MYH11: variants seen among roughly 807,000 people sequenced by gnomAD.
The protein encoded by MYH11 is myosin heavy chain 11.
Under a neutral mutation model 246.6 loss-of-function variants are expected in MYH11, and 80 were observed. That is an observed-to-expected ratio of 0.32 (90% CI 0.27 to 0.39). The LOEUF (loss-of-function observed/expected upper bound fraction) is 0.39, where lower values mean the gene tolerates loss of function less well. MYH11 is among the 10% of genes least tolerant of loss of function. MYH11 has a pLI of 1.00. For synonymous variants in MYH11, 1,071 were observed against 1,015.5 expected, an observed-to-expected ratio of 1.05 and a Z score of -1.04; for missense variants, 2,158 against 2,546.8, an observed-to-expected ratio of 0.85 and a Z score of 3.29.
In MYH11 at chr16:15,737,491, T is replaced by C. The variant is rs1567714517; in HGVS notation, c.3251A>G (p.Gln1084Arg). ...CAGCTCCTCCTCCTTCTTGGCCAGC[T>C]GCATCTTGAGCTCTGCGATCTGCGC... Reference protein sequence around the residue: ...LQAQIAELKMQLAKKEEELQA... With the variant: ...LQAQIAELKMRLAKKEEELQA... Residue 1084 changes from glutamine to arginine, a missense_variant, in exon 25 of 41, where the codon CAG (glutamine) becomes CGG (arginine). Around this residue, in one of 11 missense-constraint regions of MYH11, gnomAD observed 284 missense variants for 315.4 expected, o/e 0.90. Coordinates refer to ENST00000300036, the MANE Select transcript of MYH11 (RefSeq NM_002474.3). 6.2e-7 allele frequency: 1 copy of C among 1,613,868 alleles called. No individual in the cohort carries two copies. Among genetic ancestry groups the C allele is most frequent in the East Asian group, 2.2e-5 (1 of 44,882 alleles).
intron 28 of MYH11, chr16:15,725,961 C>T (rs1234399143): frequency 4.0e-5 from 14 of 352,612 alleles, no homozygotes; most frequent in Non-Finnish European, 6.1e-5. Context: ...ACTATCTCCC[C>T]CTACCCCCAA....
At chr16:15,855,379 G>A (rs2044438162) in intron 1 of MYH11, among the ~76,000 whole-genome samples, 1 of 152,122 alleles carries the variant, frequency 6.6e-6, no homozygotes, top group Admixed American at 6.6e-5. Flanking sequence ...TACTTTGTTG[G>A]AAGCATTTAG....
At chr16:15,846,719 T>G (rs550936731) in intron 1 of MYH11, among the ~76,000 whole-genome samples, 2 of 152,286 alleles carry the variant, frequency 1.3e-5, no homozygotes, top group East Asian at 3.9e-4. Flanking sequence ...TGTGGAAGAC[T>G]GAGGTAGGAG....
chr16:15,844,185 G>A (rs2151387953), intron 1 of MYH11, among the ~76,000 whole-genome samples: 1 of 152,250 alleles, frequency 6.6e-6, no homozygotes, highest in Non-Finnish European at 1.5e-5. Context: ...AGGCACAGGA[G>A]AGCATGCTAA....
In MYH11 at chr16:15,786,653, C is replaced by T; in HGVS notation, c.610G>A (p.Gly204Ser). 1 of 1,614,036 alleles carries T rather than the reference C, an allele frequency of 6.2e-7. No individual in the cohort carries two copies. Among genetic ancestry groups the T allele is most frequent in the Non-Finnish European group, 8.5e-7 (1 of 1,180,006 alleles). Residue 204 changes from glycine to serine, a missense_variant, in exon 5 of 41, where the codon GGC becomes AGC. By Grantham distance (56) the Gly-to-Ser change is moderately conservative (BLOSUM62 0). Transcript: ENST00000300036. Reference sequence around the variant, plus strand: ...ACCGTGATACTTGTGTCTTTCTTGCCCTTGTGGGAGGAGGCCACCACGGCC... The same window carrying T: ...ACCGTGATACTTGTGTCTTTCTTGCTCTTGTGGGAGGAGGCCACCACGGCC... The part of the protein sequence containing the change: ...YLAVVASSHK[G>S]KKDTSITGEL...
chr16:15,708,955 CTT>C (rs772767049), intron 40 of MYH11: 8 of 1,145,968 alleles, frequency 7.0e-6, no homozygotes, highest in African/African-American at 1.5e-5. Context: ...TAAAGGCACT[CTT>C]TTTTATTTTG....
chr16:15,854,580 A>C (rs2044414170), intron 1 of MYH11, among the ~76,000 whole-genome samples: 1 of 152,202 alleles, frequency 6.6e-6, no homozygotes, highest in South Asian at 2.1e-4. Flanking sequence ...CTCGCCAGGC[A>C]AAAGTGCCCA....
At chr16:15,771,478 G>A in intron 9 of MYH11, 91 bp downstream of exon 9, 2 of 1,254,172 alleles carry the variant, frequency 1.6e-6, no homozygotes, top group African/African-American at 1.5e-5. Flanking sequence ...AATTCAGAGA[G>A]CAGAAATCTG....
intron 31 of MYH11, among the ~76,000 whole-genome samples, chr16:15,722,707 C>T (rs1347033129): frequency 6.6e-6 from 1 of 152,166 alleles, no homozygotes; most frequent in East Asian, 1.9e-4. Flanking sequence ...AGGGAACCTG[C>T]AGGCATCTGG....
chr16:15,790,339 CA>C (rs200092088), intron 4 of MYH11, among the ~76,000 whole-genome samples: 77 of 137,516 alleles, frequency 5.6e-4, no homozygotes, highest in African/African-American at 1.2e-3. Context: ...AACAGACAGA[CA>C]AAAAAAAAAA....
chr16:15,703,580 G>C lies in MYH11; in HGVS notation c.*411C>G. On this transcript the variant is annotated 3_prime_UTR_variant, in exon 41 of 41. Transcript: ENST00000300036. The stretch of plus-strand genomic sequence containing the variant: ...CTTCAATTTTTACCTTGAATACAGG[G>C]GTAGTAGGGGTGGTGGTGGTGGTGG... The C allele has an allele frequency of 2.7e-6, 1 of 369,912 alleles. No individual in the cohort carries two copies. Among genetic ancestry groups the C allele is most frequent in the Non-Finnish European group, 5.1e-6 (1 of 196,808 alleles). The allele number at this position is 369,912 out of a possible 1,614,324, so 22.9% of individuals were successfully genotyped here. A position where few individuals can be genotyped will look rare whatever the true frequency, so the allele number is the denominator to read the frequency against.
intron 36 of MYH11, 124 bp from the exon 37 acceptor site, chr16:15,718,562 G>A (rs1450507155): frequency 1.5e-6 from 2 of 1,358,180 alleles, no homozygotes; most frequent in South Asian, 1.4e-5. Flanking sequence ...GAGGCTTGGA[G>A]AAGATTAGAA....
chr16:15,780,277 G>T (rs1055833305), intron 6 of MYH11, among the ~76,000 whole-genome samples: 1 of 152,042 alleles, frequency 6.6e-6, no homozygotes, highest in African/African-American at 2.4e-5. Flanking sequence ...ATGTTGGGGG[G>T]GGGCCGCTGT....
At chr16:15,759,127 C>G (rs574503825) in intron 12 of MYH11, among the ~76,000 whole-genome samples, 1 of 151,418 alleles carries the variant, frequency 6.6e-6, no homozygotes, top group Admixed American at 6.6e-5. Flanking sequence ...TAGCCCAATT[C>G]AGGTGAGTAA....
intron 3 of MYH11, among the ~76,000 whole-genome samples, chr16:15,821,963 A>C (rs216152): frequency 1.3e-5 from 2 of 151,474 alleles, no homozygotes; most frequent in African/African-American, 4.9e-5. Context: ...TCCAGGAGCC[A>C]TCACTTTACA....
intron 40 of MYH11, among the ~76,000 whole-genome samples, chr16:15,708,404 C>G (rs967365746): frequency 2.0e-5 from 3 of 152,196 alleles, no homozygotes; most frequent in Non-Finnish European, 2.9e-5. Flanking sequence ...CATATTCATT[C>G]AGTGCAGTGT....
chr16:15,723,910 G>T (rs937105953), intron 31 of MYH11, among the ~76,000 whole-genome samples: 1 of 152,236 alleles, frequency 6.6e-6, no homozygotes, highest in African/African-American at 2.4e-5. Flanking sequence ...ATCACCATGT[G>T]TGCAGGTGAC....
intron 15 of MYH11, among the ~76,000 whole-genome samples, chr16:15,751,337 A>G (rs2041565286): frequency 1.3e-5 from 2 of 151,206 alleles, no homozygotes; most frequent in South Asian, 4.2e-4. Context: ...TTTTTTTTAT[A>G]TTTTTAGTAG....
chr16:15,855,861 G>A (rs896962244), intron 1 of MYH11, among the ~76,000 whole-genome samples: 2 of 152,094 alleles, frequency 1.3e-5, no homozygotes, highest in Non-Finnish European at 2.9e-5. Flanking sequence ...GCCAAACCCC[G>A]GACGGACAGT....
Sources: gnomAD v4.1 joint callset for allele counts (sites outside exome capture counted in the v4.1 genomes callset) on GRCh38, gnomAD v4.1.1 for gene constraint, gnomAD v4.1.1 regional missense constraint, MANE v1.5 for transcripts, NCBI Gene and HGNC (gene_info 2026-07-23, HGNC 2026-07-21) for gene names.